ATF7IP: variants seen among roughly 807,000 people sequenced by gnomAD.
The protein encoded by ATF7IP is activating transcription factor 7-interacting protein 1.
Under a neutral mutation model 106.4 loss-of-function variants are expected in ATF7IP, and 23 were observed. The ratio of observed to expected loss-of-function variants is 0.22; its 90% CI spans 0.16 to 0.31. ATF7IP has a LOEUF of 0.31. Among genes scored for constraint, ATF7IP ranks in the 10% least tolerant of loss-of-function variants. The pLI is 1.00. For missense variants in ATF7IP, 1,334 were observed against 1,524.3 expected, an observed-to-expected ratio of 0.88 and a Z score of 2.08; for synonymous variants, 542 against 539.0, an observed-to-expected ratio of 1.01 and a Z score of -0.08.
chr12:14,391,973 G>A (rs567595081), intron 1 of ATF7IP, among the ~76,000 whole-genome samples: 2 of 151,958 alleles, frequency 1.3e-5, no homozygotes, highest in Admixed American at 1.3e-4. Context: ...TGCCTGCCTC[G>A]GCCTCCAAAA....
intron 10 of ATF7IP, among the ~76,000 whole-genome samples, chr12:14,467,414 A>C (rs10437801): frequency 0.018 from 2,730 of 152,308 alleles, 46 homozygotes; most frequent in Middle Eastern, 0.065. Context: ...AGATCAAATA[A>C]AAGCTATTAA....
Position 14,449,965 on chromosome 12 carries a change from TG to T in ATF7IP, c.1995+2913del, listed in dbSNP as rs557836067. Among the ~76,000 whole-genome samples, 904 of 152,248 alleles carry T rather than the reference TG, an allele frequency of 5.9e-3. 9 individuals are homozygous for T. The highest frequency in any genetic ancestry group is 0.02 in the African/African-American group (824 of 41,556). ...TTTTCGATGCTATTATAAATTATAT[TG>T]TTCATTTCTTTTTTATATTTTTTAT... On this transcript the variant is annotated intron_variant, in intron 6 of 14. Coordinates refer to ENST00000261168, the MANE Select transcript of ATF7IP (RefSeq NM_018179.5).
chr12:14,404,585 T>G (rs1414737621), intron 1 of ATF7IP, among the ~76,000 whole-genome samples: 2 of 152,234 alleles, frequency 1.3e-5, no homozygotes, highest in Non-Finnish European at 2.9e-5. Context: ...GCCTAAGATC[T>G]GTCATACCCT....
chr12:14,431,584 C>G (rs1014600357), intron 2 of ATF7IP, among the ~76,000 whole-genome samples: 1 of 151,912 alleles, frequency 6.6e-6, no homozygotes, highest in African/African-American at 2.4e-5. Context: ...TTAGTAGAGA[C>G]AGGGTTTCAC....
intron 1 of ATF7IP, among the ~76,000 whole-genome samples, chr12:14,380,407 G>A (rs1248408161): frequency 6.6e-6 from 1 of 152,060 alleles, no homozygotes; most frequent in African/African-American, 2.4e-5. Flanking sequence ...TTCCCTTTAG[G>A]CTGATCTGGG....
At chr12:14,383,758 C>T (rs943741594) in intron 1 of ATF7IP, among the ~76,000 whole-genome samples, 2 of 152,058 alleles carry the variant, frequency 1.3e-5, no homozygotes, top group Admixed American at 6.6e-5. Context: ...ACAGAGATCT[C>T]GCTTTGTTGG....
intron 1 of ATF7IP, among the ~76,000 whole-genome samples, chr12:14,407,118 G>A (rs1280554458): frequency 6.6e-6 from 1 of 152,070 alleles, no homozygotes; most frequent in Non-Finnish European, 1.5e-5. Flanking sequence ...TTTATATTAA[G>A]TGTTTAGGCT....
chr12:14,385,104 G>C, intron 1 of ATF7IP: 1 of 341,824 alleles, frequency 2.9e-6, no homozygotes, highest in Non-Finnish European at 5.3e-6. Context: ...CTGGCTTGCT[G>C]CCTTCTGTTT....
At chr12:14,477,332 G>A (rs530466179) in intron 11 of ATF7IP, among the ~76,000 whole-genome samples, 6 of 152,204 alleles carry the variant, frequency 3.9e-5, no homozygotes, top group South Asian at 4.1e-4. Flanking sequence ...CCTTCATCCG[G>A]GTTGAACTCA....
At chr12:14,414,798 A>G (rs1257511371) in intron 1 of ATF7IP, among the ~76,000 whole-genome samples, 1 of 152,232 alleles carries the variant, frequency 6.6e-6, no homozygotes, top group Non-Finnish European at 1.5e-5. Context: ...GGTTGGGTTA[A>G]TAAGAAAAGT....
chr12:14,408,542 G>A (rs1008967908), intron 1 of ATF7IP: 2 of 152,082 alleles, frequency 1.3e-5, no homozygotes, highest in African/African-American at 2.4e-5. Context: ...GGCTCCCTTT[G>A]GGGTATGTTT....
chr12:14,404,621 T>C (rs1940452110), intron 1 of ATF7IP, among the ~76,000 whole-genome samples: 1 of 152,206 alleles, frequency 6.6e-6, no homozygotes, highest in African/African-American at 2.4e-5. Flanking sequence ...ATTTGGTTTT[T>C]TTGCATTGGT....
intron 13 of ATF7IP, among the ~76,000 whole-genome samples, chr12:14,486,367 G>A (rs1180675011): frequency 6.6e-6 from 1 of 152,114 alleles, no homozygotes; most frequent in African/African-American, 2.4e-5. Context: ...CTGGTAAAAG[G>A]CCAGAGATCT....
At chr12:14,480,513 A>G (rs182524304) in intron 12 of ATF7IP, among the ~76,000 whole-genome samples, 1 of 152,306 alleles carries the variant, frequency 6.6e-6, no homozygotes, top group East Asian at 1.9e-4. Flanking sequence ...TCAAAGAGAT[A>G]GGTTGGCTCA....
intron 3 of ATF7IP, among the ~76,000 whole-genome samples, chr12:14,435,151 G>GAAGA (rs954777024): frequency 2.0e-5 from 3 of 151,728 alleles, no homozygotes; most frequent in African/African-American, 7.3e-5. Flanking sequence ...AGGAAGGAAG[G>GAAGA]AAAAGGGAAG....
At position 14,424,253 on chromosome 12, in the gene ATF7IP, C is replaced by T; in HGVS notation, c.338C>T (p.Ser113Phe). ...GATGATTTAAATTGTGAACCTTTGTCTCCCCATAATATAACTCCAGAACCA... is the reference window on the plus strand; with the variant it reads ...GATGATTTAAATTGTGAACCTTTGTTTCCCCATAATATAACTCCAGAACCA... ...QDDDLNCEPL[S>F]PHNITPEPVS... is the part of the protein sequence containing the mutation. Residue 113 changes from serine (S) to phenylalanine (F), a missense_variant, in exon 2 of 15, where the codon TCT becomes TTT. Around this residue, in one of 10 missense-constraint regions of ATF7IP, gnomAD observed 438 missense variants for 405.3 expected, o/e 1.08. Transcript: ENST00000261168. 1 of 1,614,222 alleles carries T rather than the reference C, an allele frequency of 6.2e-7. No individual in the cohort carries two copies. The highest frequency in any genetic ancestry group is 8.5e-7 in the Non-Finnish European group (1 of 1,180,032).
At chr12:14,476,220 C>G in intron 11 of ATF7IP, 1 of 310,454 alleles carries the variant, frequency 3.2e-6, no homozygotes, top group Non-Finnish European at 6.0e-6. Flanking sequence ...GAGACCAGCC[C>G]GGGCAATGCG....
In ATF7IP at chr12:14,433,276, G is replaced by C. The variant is rs755698786; in HGVS notation, c.1559-1061G>C. Among the ~76,000 whole-genome samples the C allele has an allele frequency of 3.9e-5, 6 of 152,108 alleles. No homozygotes were observed. The South Asian group carries it at 6.2e-4, about 16-fold the overall frequency. On this transcript the variant is annotated intron_variant, in intron 2 of 14. Coordinates refer to ENST00000261168, the MANE Select transcript of ATF7IP (RefSeq NM_018179.5). ...AATCTCAGCACTTTGGGAGGCTGAG[G>C]GGGGTGGATCACGAGGTCAAGAGAT...
At chr12:14,433,257 A>C (rs1211562956) in intron 2 of ATF7IP, among the ~76,000 whole-genome samples, 1 of 152,096 alleles carries the variant, frequency 6.6e-6, no homozygotes, top group Non-Finnish European at 1.5e-5. Context: ...CTGTAATCTC[A>C]GCACTTTGGG....
Sources: allele counts gnomAD v4.1 joint callset (sites outside exome capture counted in the v4.1 genomes callset), GRCh38; gene constraint gnomAD v4.1.1; regional missense constraint gnomAD v4.1.1; transcripts MANE v1.5; gene names NCBI Gene and HGNC (gene_info 2026-07-23, HGNC 2026-07-21).